TBK1: variants seen among roughly 807,000 people sequenced by gnomAD.
TBK1 encodes serine/threonine-protein kinase TBK1.
Under a neutral mutation model 99.9 loss-of-function variants are expected in TBK1, and 37 were observed. The ratio of observed to expected loss-of-function variants is 0.37; its 90% confidence interval spans 0.28 to 0.49. The LOEUF (loss-of-function observed/expected upper bound fraction) is 0.49. Among genes scored for constraint, TBK1 ranks in the 20% least tolerant of loss-of-function variants. The probability of loss-of-function intolerance (pLI) is 0.98; values close to 1 mark genes in which losing one functional copy is unlikely to be tolerated. For missense variants in TBK1, 644 were observed against 872.5 expected, an observed-to-expected ratio of 0.74 and a Z score of 3.30; for synonymous variants, 258 against 279.8, an observed-to-expected ratio of 0.92 and a Z score of 0.78.
intron 1 of TBK1, among the ~76,000 whole-genome samples, chr12:64,454,672 C>CT (rs11358053): frequency 0.34 from 28,305 of 83,998 alleles, 6,334 homozygotes; most frequent in East Asian, 0.5. Flanking sequence ...AAACTCAGAT[C>CT]TTTTTTTTTT....
intron 13 of TBK1, among the ~76,000 whole-genome samples, chr12:64,490,571 G>A (rs1046707467): frequency 8.6e-5 from 13 of 151,854 alleles, no homozygotes; most frequent in African/African-American, 3.1e-4. Flanking sequence ...TTCTTGCTGT[G>A]GCAGTTAAAG....
rs144028137 is a variant in TBK1, at chr12:64,457,731, G to A, written c.87+1774G>A. The stretch of plus-strand genomic sequence containing the variant: ...CACTAGAAGATACGTCACATATCCT[G>A]CTCCTCTTTCCTTACTTAGATACTC... On this transcript the variant is annotated intron_variant, in intron 2 of 20. Coordinates refer to ENST00000331710, the MANE Select transcript of TBK1 (RefSeq NM_013254.4). Among the ~76,000 whole-genome samples, 991 of 152,258 alleles carry A rather than the reference G, an allele frequency of 6.5e-3. 4 individuals carry two copies. The highest frequency in any genetic ancestry group is 0.044 in the Middle Eastern group (13 of 294).
intron 13 of TBK1, among the ~76,000 whole-genome samples, chr12:64,492,509 T>G (rs1309840046): frequency 6.6e-6 from 1 of 152,058 alleles, no homozygotes; most frequent in Non-Finnish European, 1.5e-5. Context: ...TTTCTCCATG[T>G]TGGTCAGGCT....
chr12:64,460,705 G>A lies in TBK1; in HGVS notation c.228+376G>A, dbSNP rs986155089. 1.4e-4 allele frequency among the ~76,000 whole-genome samples: 21 copies of A among 151,618 alleles called. No homozygotes were observed. In the East Asian group the frequency reaches 2.7e-3, roughly 20 times the overall value. The stretch of plus-strand genomic sequence containing the variant: ...AAAAATTAGCTTGGCATGGTGGTGC[G>A]CACCTGTAGTTCCAGCTACTTGGGA... On this transcript the variant is annotated intron_variant, in intron 3 of 20. Coordinates refer to ENST00000331710, the MANE Select transcript of TBK1 (RefSeq NM_013254.4).
chr12:64,465,264 A>AAAAAAAAG lies in TBK1; in HGVS notation c.358+801_358+802insAAAAAAAG, dbSNP rs1555202820. Among the ~76,000 whole-genome samples the AAAAAAAAG allele has an allele frequency of 2.7e-5, 4 of 150,522 alleles. 1 individual carries two copies. The highest frequency in any genetic ancestry group is 9.8e-5 in the African/African-American group (4 of 40,698). On this transcript the variant is annotated intron_variant, in intron 4 of 20. Transcript: ENST00000331710. The stretch of plus-strand genomic sequence containing the variant: ...TCTCAAAAAAAAAAAAAAAAAAAAA[A>AAAAAAAAG]CAAGTGTTGGCAAGAATATGGAGAA...
At chr12:64,475,666 G>A (rs1321031253) in intron 6 of TBK1, among the ~76,000 whole-genome samples, 1 of 152,178 alleles carries the variant, frequency 6.6e-6, no homozygotes, top group African/African-American at 2.4e-5. Flanking sequence ...GTCTCCAGCT[G>A]CATCCATGTT....
chr12:64,485,828 C>G, intron 10 of TBK1, 98 bp from the exon 11 acceptor site: 1 of 778,410 alleles, frequency 1.3e-6, no homozygotes, highest in Admixed American at 2.9e-5. Context: ...TTTAATTAAC[C>G]TGATAAAAAT....
intron 2 of TBK1, among the ~76,000 whole-genome samples, chr12:64,459,563 C>T (rs1353624741): frequency 1.3e-5 from 2 of 152,116 alleles, no homozygotes; most frequent in South Asian, 4.1e-4. Flanking sequence ...AACAGCCTGC[C>T]CTGGTCATCT....
Position 64,455,963 on chromosome 12 carries a change from T to C in TBK1, c.87+6T>C. On this transcript the variant is annotated splice_donor_region_variant and intron_variant, in intron 2 of 20. Coordinates refer to ENST00000331710, the MANE Select transcript of TBK1 (RefSeq NM_013254.4). ...TCTTTCGTGGAAGACATAAGGTTAG[T>C]ACAGAGAAAACTTTGAAGACCTTTT... 6.2e-7 allele frequency: 1 copy of C among 1,600,352 alleles called. No homozygotes were observed. The highest frequency in any genetic ancestry group is 8.5e-7 in the Non-Finnish European group (1 of 1,175,016).
At chr12:64,487,675 T>A (rs1238431910) in intron 11 of TBK1, among the ~76,000 whole-genome samples, 1 of 152,220 alleles carries the variant, frequency 6.6e-6, no homozygotes, top group Non-Finnish European at 1.5e-5. Context: ...GAGAAAATAG[T>A]TTTAATGTAA....
intron 11 of TBK1, among the ~76,000 whole-genome samples, chr12:64,488,056 T>G (rs1396100000): frequency 1.3e-5 from 2 of 152,124 alleles, no homozygotes; most frequent in Non-Finnish European, 2.9e-5. Context: ...TATCCCAAAA[T>G]CCAAAATCTG....
In TBK1 at chr12:64,490,054, A is replaced by T; in HGVS notation, c.1456A>T (p.Met486Leu). Residue 486 changes from methionine to leucine, a missense_variant, in exon 13 of 21, where the codon ATG (methionine) becomes TTG (leucine). Met to Leu is a conservative substitution (Grantham distance 15). Transcript: ENST00000331710. ...EKTVKVYEKLMKINLEAAELG... is the reference protein window; with the variant it reads ...EKTVKVYEKLLKINLEAAELG... The stretch of plus-strand genomic sequence containing the variant: ...CTTTTCATACAGATATGAAAAGTTG[A>T]TGAAGATCAACCTGGAAGCGGCAGA... The T allele has an allele frequency of 6.2e-7, 1 of 1,608,938 alleles. No individual in the cohort carries two copies. The highest frequency in any genetic ancestry group is 8.5e-7 in the Non-Finnish European group (1 of 1,177,396).
At chr12:64,499,438 C>T (rs906967678) in intron 20 of TBK1, among the ~76,000 whole-genome samples, 3 of 151,966 alleles carry the variant, frequency 2.0e-5, no homozygotes, top group African/African-American at 4.8e-5. Flanking sequence ...TTTAAACATT[C>T]GCCAATTTGT....
intron 2 of TBK1, among the ~76,000 whole-genome samples, chr12:64,459,463 G>A (rs1383375513): frequency 6.6e-6 from 1 of 152,192 alleles, no homozygotes; most frequent in African/African-American, 2.4e-5. Context: ...TGTGATGTAG[G>A]TCATGAAAGA....
intron 12 of TBK1, 97 bp downstream of exon 12, chr12:64,488,685 A>G (rs1161217134): frequency 2.3e-6 from 2 of 870,014 alleles, no homozygotes; most frequent in East Asian, 6.0e-5. Context: ...ATGGCATGCT[A>G]TGCTAGGGTT....
intron 16 of TBK1, 140 bp from the exon 17 acceptor site, chr12:64,496,809 C>T (rs372847247): frequency 3.8e-5 from 23 of 602,836 alleles, no homozygotes; most frequent in Admixed American, 2.4e-4. Context: ...ATCTTAGAAA[C>T]GTTTACTTTC....
At chr12:64,460,884 C>T (rs1592354121) in intron 3 of TBK1, among the ~76,000 whole-genome samples, 1 of 142,466 alleles carries the variant, frequency 7.0e-6, no homozygotes, top group Non-Finnish European at 1.5e-5. Flanking sequence ...AATTCAAGAA[C>T]AGCCTGGGCA....
At chr12:64,460,704 C>T (rs145171356) in intron 3 of TBK1, among the ~76,000 whole-genome samples, 2,244 of 151,334 alleles carry the variant, frequency 0.015, 47 homozygotes, top group African/African-American at 0.05. Flanking sequence ...CATGGTGGTG[C>T]GCACCTGTAG....
intron 5 of TBK1, among the ~76,000 whole-genome samples, chr12:64,470,849 G>A (rs1372758545): frequency 6.6e-6 from 1 of 152,142 alleles, no homozygotes; most frequent in Non-Finnish European, 1.5e-5. Flanking sequence ...AACCTCCTGG[G>A]AACACAGTTT....
Sources: allele counts gnomAD v4.1 joint callset (sites outside exome capture counted in the v4.1 genomes callset), GRCh38; gene constraint gnomAD v4.1.1; transcripts MANE v1.5; gene names NCBI Gene and HGNC (gene_info 2026-07-23, HGNC 2026-07-21).